Variants in ZFYVE28 observed in about 807,000 individuals in gnomAD.
The protein encoded by ZFYVE28 is zinc finger FYVE-type containing 28.
A neutral mutation model predicts 82.1 loss-of-function variants in ZFYVE28; 40 were observed. The observed-to-expected ratio is 0.49, with a 90% CI of 0.38 to 0.63. The LOEUF (loss-of-function observed/expected upper bound fraction) is 0.63. Ranked by LOEUF, ZFYVE28 falls within the 30% of genes least tolerant of loss-of-function variation. The probability of loss-of-function intolerance (pLI) is 0.00; values close to 1 mark genes in which losing one functional copy is unlikely to be tolerated. For missense variants in ZFYVE28, 1,321 were observed against 1,242.1 expected, an observed-to-expected ratio of 1.06 and a Z score of -0.96; for synonymous variants, 612 against 546.1, an observed-to-expected ratio of 1.12 and a Z score of -1.68.
At chr4:2,404,806 C>G (rs1196934497) in intron 1 of ZFYVE28, among the ~76,000 whole-genome samples, 1 of 150,808 alleles carries the variant, frequency 6.6e-6, no homozygotes, top group African/African-American at 2.4e-5. Context: ...TGATGGTTTG[C>G]TTTCAATGGT....
intron 8 of ZFYVE28, among the ~76,000 whole-genome samples, chr4:2,291,052 C>T (rs770479470): frequency 1.2e-4 from 19 of 152,244 alleles, no homozygotes; most frequent in Admixed American, 7.2e-4. Flanking sequence ...CTCCTGCCCC[C>T]GGCACACGAG....
chr4:2,351,995 C>T (rs142484712), intron 2 of ZFYVE28, among the ~76,000 whole-genome samples: 2 of 152,310 alleles, frequency 1.3e-5, no homozygotes, highest in African/African-American at 2.4e-5. Flanking sequence ...GGTTCCAGGA[C>T]CCCCAGCGTA....
Position 2,339,473 on chromosome 4 carries a change from C to T in ZFYVE28, c.501G>A (p.Leu167=). The T allele has an allele frequency of 6.2e-7, 1 of 1,613,926 alleles. No homozygotes were observed. The highest frequency in any genetic ancestry group is 1.6e-4 in the Middle Eastern group (1 of 6,062). ...AGTACCTGAGCTCAAACTCTGCGAA[C>T]AGGACGTCGAAGTGCCTCAGCGCTT... is the stretch of plus-strand genomic sequence containing the variant. The part of the protein sequence containing the change: ...MREALRHFDV[L]FAEFELSYVS... Residue 167 remains leucine (L), a synonymous_variant, in exon 4 of 13, where the codon CTG becomes CTA. Transcript: ENST00000290974. This position sits in a 1 kb window ranked among gnomAD's most constrained non-coding sequence, Gnocchi z 5.0.
rs781645956 is a variant in ZFYVE28 at position 2,304,743 on chromosome 4, T to A, written c.1597A>T (p.Thr533Ser). ...ACGGGCTCCGAGGCGGCCTCCTGGG[T>A]GGCGACCGCAGAGTCCAGGGAAGTG... ...SPTSLDSAVA[T>S]QEAASEPVAE... Residue 533 changes from threonine (T) to serine (S), a missense_variant, in exon 8 of 13, where the codon ACC (threonine) becomes TCC (serine). Coordinates refer to ENST00000290974, the MANE Select transcript of ZFYVE28 (RefSeq NM_020972.3). 1 of 1,612,660 alleles carries A rather than the reference T, an allele frequency of 6.2e-7. No homozygotes were observed.
chr4:2,388,116 G>A (rs1377948536), intron 1 of ZFYVE28, among the ~76,000 whole-genome samples: 1 of 152,240 alleles, frequency 6.6e-6, no homozygotes, highest in Non-Finnish European at 1.5e-5. Flanking sequence ...AGAGGACGCA[G>A]CACACACTGC....
chr4:2,303,677 C>G (rs1397304330), intron 8 of ZFYVE28, among the ~76,000 whole-genome samples: 1 of 152,158 alleles, frequency 6.6e-6, no homozygotes, highest in Non-Finnish European at 1.5e-5. Flanking sequence ...CTCCCCATCT[C>G]CCCCCAGTGC....
intron 1 of ZFYVE28, among the ~76,000 whole-genome samples, chr4:2,402,617 G>A (rs889082985): frequency 6.6e-6 from 1 of 152,218 alleles, no homozygotes; most frequent in Admixed American, 6.5e-5. Context: ...ACACAGCAGA[G>A]AGCGGGCAGG....
At chr4:2,279,855 G>A (rs1467342035) in intron 8 of ZFYVE28, among the ~76,000 whole-genome samples, 2 of 152,182 alleles carry the variant, frequency 1.3e-5, no homozygotes, top group Admixed American at 6.5e-5. Flanking sequence ...AAACCCATAG[G>A]GGCAGAAAGC....
At chr4:2,401,215 C>T (rs528735318) in intron 1 of ZFYVE28, among the ~76,000 whole-genome samples, 34 of 152,342 alleles carry the variant, frequency 2.2e-4, no homozygotes, top group Non-Finnish European at 4.0e-4. Flanking sequence ...GGCACTGACA[C>T]TGCAGGGCCC....
rs569966414 is a variant in ZFYVE28, at chr4:2,290,214, C to T, written c.2051+14075G>A. Among the ~76,000 whole-genome samples, 86 of 152,298 alleles carry T rather than the reference C, an allele frequency of 5.6e-4. 2 individuals carry two copies. The South Asian group carries it at 0.016, about 29-fold the overall frequency. On this transcript the variant is annotated intron_variant, in intron 8 of 12. Coordinates refer to ENST00000290974, the MANE Select transcript of ZFYVE28 (RefSeq NM_020972.3). ...CAACCCGGAGCCCAGAGAGAGCAGCCCATATGGGGATGGCCCGGCAGTCCC... is the reference window on the plus strand; with the variant it reads ...CAACCCGGAGCCCAGAGAGAGCAGCTCATATGGGGATGGCCCGGCAGTCCC...
chr4:2,380,993 A>T (rs1728675144), intron 1 of ZFYVE28, among the ~76,000 whole-genome samples: 1 of 152,208 alleles, frequency 6.6e-6, no homozygotes, highest in Admixed American at 6.5e-5. Context: ...CAACTTTGGA[A>T]GAGAATAACA....
At chr4:2,386,383 G>T (rs1350436609) in intron 1 of ZFYVE28, among the ~76,000 whole-genome samples, 1 of 152,218 alleles carries the variant, frequency 6.6e-6, no homozygotes. Flanking sequence ...TACTCGGGAG[G>T]CTGAGGCAGG....
chr4:2,334,457 C>T (rs187380225), intron 6 of ZFYVE28, among the ~76,000 whole-genome samples: 14 of 152,110 alleles, frequency 9.2e-5, no homozygotes, highest in Admixed American at 5.2e-4. Flanking sequence ...CACCGCCCCG[C>T]GTGCTCCCAC....
At chr4:2,375,385 A>G (rs1233184854) in intron 1 of ZFYVE28, among the ~76,000 whole-genome samples, 1 of 152,098 alleles carries the variant, frequency 6.6e-6, no homozygotes, top group African/African-American at 2.4e-5. Context: ...AGGCCCCGGT[A>G]CCTCCCCAAG....
chr4:2,380,742 A>G (rs567192407), intron 1 of ZFYVE28, among the ~76,000 whole-genome samples: 2 of 152,346 alleles, frequency 1.3e-5, no homozygotes, highest in Non-Finnish European at 2.9e-5. Flanking sequence ...TGGTTTTATC[A>G]GGGGTTTTCG....
At chr4:2,298,904 C>T (rs975456994) in intron 8 of ZFYVE28, among the ~76,000 whole-genome samples, 1 of 152,106 alleles carries the variant, frequency 6.6e-6, no homozygotes, top group Non-Finnish European at 1.5e-5. Context: ...GGATTGATGG[C>T]AAAAAACAAA....
Position 2,341,690 on chromosome 4 carries a change from C to G in ZFYVE28, c.181-75G>C, listed in dbSNP as rs567369408. The G allele has an allele frequency of 3.9e-6, 6 of 1,557,500 alleles. No individual in the cohort carries two copies. Among genetic ancestry groups the G allele is most frequent in the Non-Finnish European group, 5.3e-6 (6 of 1,141,654 alleles). The stretch of plus-strand genomic sequence containing the variant: ...GGCCGCCATGTACTGCTGGAAAACA[C>G]GCACGGTGCATGTGACTGTTTTTTA... On this transcript the variant is annotated intron_variant, in intron 2 of 12. Coordinates refer to ENST00000290974, the MANE Select transcript of ZFYVE28 (RefSeq NM_020972.3). The surrounding 1 kb of genome is among the most constrained non-coding windows in gnomAD (Gnocchi z 4.5).
chr4:2,274,326 C>T, intron 8 of ZFYVE28, 110 bp from the exon 9 acceptor site: 3 of 1,350,308 alleles, frequency 2.2e-6, no homozygotes, highest in Non-Finnish European at 3.0e-6. Context: ...ACGCTCACCC[C>T]ACAGGCGTGT....
intron 2 of ZFYVE28, among the ~76,000 whole-genome samples, chr4:2,353,689 C>G (rs1724806079): frequency 6.6e-6 from 1 of 152,150 alleles, no homozygotes; most frequent in South Asian, 2.1e-4. Context: ...GCACCCCCTG[C>G]CCCCGCTCTC....
Sources: allele counts gnomAD v4.1 joint callset (sites outside exome capture counted in the v4.1 genomes callset), GRCh38; gene constraint gnomAD v4.1.1; non-coding constraint Gnocchi (gnomAD v3.1); transcripts MANE v1.5; gene names NCBI Gene and HGNC (gene_info 2026-07-23, HGNC 2026-07-21).